The following NRG3 variants were observed in gnomAD, a reference collection of about 807,000 sequenced individuals.
The protein encoded by NRG3 is neuregulin 3, also known as pro-neuregulin-3, membrane-bound isoform.
A neutral mutation model predicts 66.9 loss-of-function variants in NRG3; 31 were observed. The observed-to-expected ratio is 0.46, with a 90% CI of 0.35 to 0.63. The LOEUF is 0.63. NRG3 is among the 20% of genes least tolerant of loss of function. NRG3 has a pLI of 0.00. For missense variants in NRG3, 910 were observed against 878.9 expected (o/e 1.04, Z -0.45); for synonymous variants, 393 against 359.4 (o/e 1.09, Z -1.06).
At chr10:82,250,065 G>C (rs1215959309) in intron 1 of NRG3, among the ~76,000 whole-genome samples, 1 of 152,160 alleles carries the variant, frequency 6.6e-6, no homozygotes, top group African/African-American at 2.4e-5. Flanking sequence ...GAGCCACACA[G>C]TGAATGAAGC....
intron 2 of NRG3, among the ~76,000 whole-genome samples, chr10:82,528,308 T>C (rs1171482321): frequency 6.6e-6 from 1 of 152,180 alleles, no homozygotes; most frequent in Non-Finnish European, 1.5e-5. Flanking sequence ...CTGCTGGCTC[T>C]AAATGGTGAA....
At chr10:82,380,267 A>AC (rs572438526) in intron 2 of NRG3, among the ~76,000 whole-genome samples, 2 of 151,740 alleles carry the variant, frequency 1.3e-5, no homozygotes, top group African/African-American at 4.8e-5. Context: ...AGCAGATCAG[A>AC]TTTTTTTTGC....
At chr10:82,203,226 T>C (rs1421847024) in intron 1 of NRG3, among the ~76,000 whole-genome samples, 2 of 152,002 alleles carry the variant, frequency 1.3e-5, no homozygotes, top group Non-Finnish European at 2.9e-5. Context: ...AAATCAGTGG[T>C]GATGAAAAAG....
chr10:82,425,521 C>T (rs948287412), intron 2 of NRG3, among the ~76,000 whole-genome samples: 1 of 151,922 alleles, frequency 6.6e-6, no homozygotes, highest in African/African-American at 2.4e-5. Context: ...TTTTAAATTT[C>T]TGTTCTGCTA....
chr10:82,540,989 C>CA lies in NRG3; in HGVS notation c.953+182122dup, dbSNP rs571340494. On this transcript the variant is annotated intron_variant, in intron 2 of 8. Transcript: ENST00000372141. ...ATGTCCTTGTAAGAGGAAATTTGAA[C>CA]ACGCAAAGAGAGATGGCGGGTACAC... is the stretch of plus-strand genomic sequence containing the variant. 1.4e-4 allele frequency among the ~76,000 whole-genome samples: 21 copies of CA among 152,182 alleles called. No individual in the cohort carries two copies. In the South Asian group the frequency reaches 4.4e-3, roughly 32 times the overall value.
Position 82,907,717 on chromosome 10 carries a change from G to T in NRG3, c.1054+42280G>T, listed in dbSNP as rs192940681. On this transcript the variant is annotated intron_variant, in intron 4 of 8. Coordinates refer to ENST00000372141, the MANE Select transcript of NRG3 (RefSeq NM_001010848.4). ...ACTTTTCATTTATTTCAATACAGAA[G>T]GTTTTCCATTTAATTCCACAGGTAT... Among the ~76,000 whole-genome samples the T allele has an allele frequency of 3.3e-3, 499 of 152,190 alleles. 4 individuals are homozygous for T. The highest frequency in any genetic ancestry group is 0.017 in the Middle Eastern group (5 of 294).
intron 2 of NRG3, among the ~76,000 whole-genome samples, chr10:82,386,019 A>G (rs1385628507): frequency 2.6e-5 from 4 of 152,022 alleles, no homozygotes; most frequent in South Asian, 2.1e-4. Context: ...CAGTTGAAGG[A>G]AAAAAAATCA....
At chr10:82,749,537 T>C (rs1190432209) in intron 3 of NRG3, among the ~76,000 whole-genome samples, 3 of 152,142 alleles carry the variant, frequency 2.0e-5, no homozygotes, top group African/African-American at 2.4e-5. Context: ...CAACTCTCCA[T>C]ACAGTTTAAT....
intron 1 of NRG3, among the ~76,000 whole-genome samples, chr10:82,081,845 G>A (rs1183474931): frequency 6.6e-6 from 1 of 152,170 alleles, no homozygotes; most frequent in African/African-American, 2.4e-5. Flanking sequence ...TGAACTGGCT[G>A]AGTTTGCTTG....
chr10:82,969,541 CAA>C lies in NRG3; in HGVS notation c.1285-4243_1285-4242del, dbSNP rs530361733. 4.6e-5 allele frequency among the ~76,000 whole-genome samples: 7 copies of C among 152,274 alleles called. No individual in the cohort carries two copies. In the East Asian group the frequency reaches 1.4e-3, roughly 29 times the overall value. ...TTCTCTGTCATTTTCCTCCATTTTG[CAA>C]AAAGACTGACCAGCCTTTATAGGTC... On this transcript the variant is annotated intron_variant, in intron 6 of 8. Transcript: ENST00000372141.
intron 1 of NRG3, among the ~76,000 whole-genome samples, chr10:82,020,699 A>G (rs945507388): frequency 6.6e-6 from 1 of 152,146 alleles, no homozygotes; most frequent in Non-Finnish European, 1.5e-5. Flanking sequence ...TTGGATCTTA[A>G]TGTACTGTGC....
At chr10:82,663,564 A>T (rs2052532238) in intron 2 of NRG3, among the ~76,000 whole-genome samples, 1 of 152,156 alleles carries the variant, frequency 6.6e-6, no homozygotes, top group South Asian at 2.1e-4. Flanking sequence ...AACAGGGAGT[A>T]AAAAAGATGG....
chr10:82,815,861 G>A (rs182306236), intron 3 of NRG3, among the ~76,000 whole-genome samples: 15 of 152,318 alleles, frequency 9.8e-5, no homozygotes, highest in Middle Eastern at 3.4e-3. Flanking sequence ...AAGCAAGCAC[G>A]GAGACCAGCC....
intron 1 of NRG3, among the ~76,000 whole-genome samples, chr10:82,025,154 T>C (rs2132806370): frequency 6.6e-6 from 1 of 151,808 alleles, no homozygotes; most frequent in South Asian, 2.1e-4. Context: ...TTTTTTAAAT[T>C]AATATTGAAA....
At chr10:82,179,707 G>A (rs888027016) in intron 1 of NRG3, among the ~76,000 whole-genome samples, 28 of 151,802 alleles carry the variant, frequency 1.8e-4, no homozygotes, top group African/African-American at 6.5e-4. Flanking sequence ...TCTTTTTCAA[G>A]AGTGTTTTAA....
intron 4 of NRG3, among the ~76,000 whole-genome samples, chr10:82,898,142 A>G (rs1843840354): frequency 6.6e-6 from 1 of 152,148 alleles, no homozygotes; most frequent in Non-Finnish European, 1.5e-5. Context: ...TTGATAGGTA[A>G]GTTCCACAGC....
intron 1 of NRG3, among the ~76,000 whole-genome samples, chr10:82,169,235 A>G (rs1011492720): frequency 5.3e-5 from 8 of 152,080 alleles, no homozygotes; most frequent in South Asian, 2.1e-4. Flanking sequence ...GGCTAGATGT[A>G]CTTAGGTTTG....
chr10:82,642,899 T>C (rs1055954681), intron 2 of NRG3, among the ~76,000 whole-genome samples: 33 of 151,336 alleles, frequency 2.2e-4, no homozygotes, highest in Admixed American at 2.0e-3. Flanking sequence ...TACATACACA[T>C]ATATATATAT....
chr10:82,672,530 C>T (rs78101348), intron 2 of NRG3, among the ~76,000 whole-genome samples: 5,950 of 152,086 alleles, frequency 0.039, 172 homozygotes, highest in African/African-American at 0.057. Flanking sequence ...CCTTCATTTA[C>T]GACTAATTAC....
Sources: allele counts gnomAD v4.1 joint callset (sites outside exome capture counted in the v4.1 genomes callset), GRCh38; gene constraint gnomAD v4.1.1; transcripts MANE v1.5; gene names NCBI Gene and HGNC (gene_info 2026-07-23, HGNC 2026-07-21).